The following ERC2 variants were observed in gnomAD, a reference collection of about 807,000 sequenced individuals.
The protein encoded by ERC2 is ELKS/RAB6-interacting/CAST family member 2, also known as ERC protein 2.
Under a neutral mutation model 114.8 loss-of-function variants are expected in ERC2, and 42 were observed. That is an observed-to-expected ratio of 0.37 (90% CI 0.29 to 0.47). The LOEUF (loss-of-function observed/expected upper bound fraction) is 0.47. ERC2 is among the 20% of genes least tolerant of loss of function. ERC2 has a pLI of 0.99. For synonymous variants in ERC2, 454 were observed against 425.5 expected, an observed-to-expected ratio of 1.07 and a Z score of -0.82; for missense variants, 939 against 1,150.7, an observed-to-expected ratio of 0.82 and a Z score of 2.66.
chr3:55,595,610 T>A (rs184640443), intron 17 of ERC2, among the ~76,000 whole-genome samples: 5 of 152,216 alleles, frequency 3.3e-5, no homozygotes, highest in African/African-American at 1.2e-4. Flanking sequence ...TCTGTTATGA[T>A]GAAAGCCGGA....
intron 2 of ERC2, among the ~76,000 whole-genome samples, chr3:56,335,597 C>G (rs1295902038): frequency 6.6e-6 from 1 of 152,124 alleles, no homozygotes; most frequent in Non-Finnish European, 1.5e-5. Flanking sequence ...CAGGACAACT[C>G]TTGATAATGG....
chr3:55,658,158 T>C (rs2060960971), intron 17 of ERC2: 1 of 152,230 alleles, frequency 6.6e-6, no homozygotes, highest in African/African-American at 2.4e-5. Context: ...GGATCTTAAA[T>C]GATGTCTTCA....
chr3:55,761,630 C>A (rs2067436992), intron 14 of ERC2, among the ~76,000 whole-genome samples: 1 of 152,124 alleles, frequency 6.6e-6, no homozygotes, highest in Non-Finnish European at 1.5e-5. Flanking sequence ...TGTGTCCCCA[C>A]CCAAATCTCA....
intron 17 of ERC2, among the ~76,000 whole-genome samples, chr3:55,564,486 C>T (rs1296164040): frequency 5.9e-5 from 9 of 152,202 alleles, no homozygotes; most frequent in African/African-American, 1.7e-4. Context: ...GCTTCCCTGA[C>T]TGTAATATGG....
chr3:56,059,570 T>C (rs2076165690), intron 7 of ERC2, among the ~76,000 whole-genome samples: 1 of 152,192 alleles, frequency 6.6e-6, no homozygotes, highest in Non-Finnish European at 1.5e-5. Context: ...ATTCTTATTT[T>C]AATTTCCATC....
intron 17 of ERC2, among the ~76,000 whole-genome samples, chr3:55,620,921 G>C (rs902808702): frequency 3.3e-5 from 5 of 152,078 alleles, no homozygotes; most frequent in Admixed American, 1.3e-4. Flanking sequence ...TGTCATTTAG[G>C]CCAATTAAGA....
At chr3:56,222,534 C>T (rs540259997) in intron 3 of ERC2, among the ~76,000 whole-genome samples, 6 of 152,102 alleles carry the variant, frequency 3.9e-5, no homozygotes, top group Non-Finnish European at 8.8e-5. Flanking sequence ...TTAAAATAAG[C>T]TTGGGTGCTC....
chr3:55,755,446 C>T (rs982704667), intron 14 of ERC2, among the ~76,000 whole-genome samples: 17 of 152,320 alleles, frequency 1.1e-4, no homozygotes, highest in African/African-American at 3.6e-4. Context: ...AGCAAGGTGA[C>T]AGCCAACTGC....
At chr3:55,887,537 A>G (rs2149317799) in intron 14 of ERC2, among the ~76,000 whole-genome samples, 1 of 152,262 alleles carries the variant, frequency 6.6e-6, no homozygotes, top group Non-Finnish European at 1.5e-5. Context: ...TTTAAATTAT[A>G]ATTTAGTGAT....
At chr3:56,280,555 T>C (rs940407777) in intron 3 of ERC2, among the ~76,000 whole-genome samples, 7 of 152,114 alleles carry the variant, frequency 4.6e-5, no homozygotes, top group African/African-American at 1.7e-4. Flanking sequence ...TCCCAATATG[T>C]TTCTGCAACC....
At chr3:55,652,180 A>G (rs2060653224) in intron 17 of ERC2, among the ~76,000 whole-genome samples, 1 of 152,198 alleles carries the variant, frequency 6.6e-6, no homozygotes, top group African/African-American at 2.4e-5. Flanking sequence ...GGGTTAAAAA[A>G]ATAGCTGCTC....
chr3:55,556,069 A>G (rs1482549137), intron 17 of ERC2, among the ~76,000 whole-genome samples: 1 of 152,152 alleles, frequency 6.6e-6, no homozygotes, highest in Non-Finnish European at 1.5e-5. Flanking sequence ...CTCCTTAATC[A>G]GAGGATGGAA....
intron 15 of ERC2, among the ~76,000 whole-genome samples, chr3:55,729,937 A>G (rs990202057): frequency 2.0e-5 from 3 of 151,050 alleles, no homozygotes; most frequent in Non-Finnish European, 4.4e-5. Flanking sequence ...GCACTGTAAC[A>G]CAGAGCAGGC....
chr3:56,137,140 T>C (rs2080556103), intron 6 of ERC2, among the ~76,000 whole-genome samples: 1 of 152,178 alleles, frequency 6.6e-6, no homozygotes, highest in South Asian at 2.1e-4. Context: ...TCCATCAGTA[T>C]AAGATAGTGA....
chr3:55,888,290 T>C, intron 14 of ERC2, 99 bp downstream of exon 14: 1 of 1,378,446 alleles, frequency 7.3e-7, no homozygotes, highest in Non-Finnish European at 9.9e-7. Context: ...AAATTATTCT[T>C]TTTCTGAGCT....
chr3:56,004,027 A>G (rs1393511983), intron 10 of ERC2, among the ~76,000 whole-genome samples: 1 of 152,054 alleles, frequency 6.6e-6, no homozygotes, highest in Admixed American at 6.6e-5. Context: ...ACTTTTTAAG[A>G]GCCTCTATTA....
intron 14 of ERC2, among the ~76,000 whole-genome samples, chr3:55,871,820 A>G (rs980891626): frequency 6.6e-6 from 1 of 152,264 alleles, no homozygotes; most frequent in East Asian, 1.9e-4. Context: ...AATATTTTTT[A>G]AAAAATTAAA....
intron 12 of ERC2, among the ~76,000 whole-genome samples, chr3:55,963,376 G>A (rs952451965): frequency 6.6e-6 from 1 of 152,178 alleles, no homozygotes; most frequent in African/African-American, 2.4e-5. Flanking sequence ...AAAGAGTTTG[G>A]AGATAACAAA....
chr3:56,187,602 G>A (rs1453365624), intron 3 of ERC2, among the ~76,000 whole-genome samples: 1 of 152,176 alleles, frequency 6.6e-6, no homozygotes, highest in Non-Finnish European at 1.5e-5. Flanking sequence ...TATAGGTCCT[G>A]CAGACAGGAA....
Sources: allele counts gnomAD v4.1 joint callset (sites outside exome capture counted in the v4.1 genomes callset), GRCh38; gene constraint gnomAD v4.1.1; transcripts MANE v1.5; gene names NCBI Gene and HGNC (gene_info 2026-07-23, HGNC 2026-07-21).